Variants in PPIP5K1 observed in about 807,000 individuals in gnomAD.
The protein encoded by PPIP5K1 is diphosphoinositol pentakisphosphate kinase 1, also known as inositol hexakisphosphate and diphosphoinositol-pentakisphosphate kinase 1.
A neutral mutation model predicts 27.7 loss-of-function variants in PPIP5K1; 6 were observed. The observed-to-expected ratio is 0.22, with a 90% CI of 0.12 to 0.43. The LOEUF is 0.43. Ranked by LOEUF, PPIP5K1 falls within the 20% of genes least tolerant of loss-of-function variation. The pLI is 1.00. For synonymous variants in PPIP5K1, 145 were observed against 242.6 expected, an observed-to-expected ratio of 0.60 and a Z score of 3.74; for missense variants, 394 against 635.4, an observed-to-expected ratio of 0.62 and a Z score of 4.08.
At chr15:43,557,999 T>G (rs989033163) in intron 30 of PPIP5K1, among the ~76,000 whole-genome samples, 4 of 151,850 alleles carry the variant, frequency 2.6e-5, no homozygotes, top group Non-Finnish European at 5.9e-5. Flanking sequence ...TTGTGTATTT[T>G]TCAATGAAAA....
intron 30 of PPIP5K1, among the ~76,000 whole-genome samples, chr15:43,545,283 C>T (rs1477326056): frequency 2.6e-5 from 4 of 152,006 alleles, no homozygotes; most frequent in African/African-American, 9.7e-5. Context: ...TGTACCCCCA[C>T]CAACAATGTA....
chr15:43,545,010 C>T (rs554730546), intron 30 of PPIP5K1, among the ~76,000 whole-genome samples: 2 of 151,972 alleles, frequency 1.3e-5, no homozygotes, highest in South Asian at 4.2e-4. Flanking sequence ...AACCCCGTCC[C>T]TACTAAAAAT....
chr15:43,567,394 A>AC (rs2084227149), intron 26 of PPIP5K1, among the ~76,000 whole-genome samples: 1 of 3,288 alleles, frequency 3.0e-4, no homozygotes, highest in Non-Finnish European at 5.4e-4. Context: ...CTGGGATTAT[A>AC]GGCATGAGCC....
intron 30 of PPIP5K1, among the ~76,000 whole-genome samples, chr15:43,548,083 C>T (rs2081596379): frequency 1.3e-5 from 2 of 151,960 alleles, no homozygotes; most frequent in African/African-American, 4.8e-5. Flanking sequence ...GGGCTACAGG[C>T]ATGCATCACC....
At chr15:43,545,736 C>T (rs2081294051) in intron 30 of PPIP5K1, among the ~76,000 whole-genome samples, 2 of 152,110 alleles carry the variant, frequency 1.3e-5, no homozygotes, top group South Asian at 4.1e-4. Flanking sequence ...TTACCACTAA[C>T]ACCCTGCTTA....
rs377302379 is a variant in PPIP5K1 at position 43,558,553 on chromosome 15, C to T, written c.3556+242G>A. 5.9e-5 allele frequency among the ~76,000 whole-genome samples: 9 copies of T among 151,980 alleles called. No individual in the cohort carries two copies. In the East Asian group the frequency reaches 1.6e-3, roughly 26 times the overall value. On this transcript the variant is annotated intron_variant, in intron 30 of 31. Transcript: ENST00000420765. ...ATTTTTTTTCAGTAGAGACAGGTAT[C>T]GCCATCTTGGCCAGGCTTGTCTCAA...
intron 30 of PPIP5K1, among the ~76,000 whole-genome samples, chr15:43,557,855 A>C (rs1236621345): frequency 9.4e-6 from 1 of 106,464 alleles, no homozygotes; most frequent in Non-Finnish European, 1.9e-5. Flanking sequence ...TTTTCTGGAG[A>C]GATGGGGGTC....
chr15:43,534,446 G>T lies in PPIP5K1; in HGVS notation c.*228C>A, dbSNP rs953605959. The T allele has an allele frequency of 2.4e-6, 1 of 419,846 alleles. No individual in the cohort carries two copies. Among genetic ancestry groups the T allele is most frequent in the African/African-American group, 2.0e-5 (1 of 49,272 alleles). The allele number at this position is 419,846 out of a possible 1,614,324, so 26.0% of individuals were successfully genotyped here. The stretch of plus-strand genomic sequence containing the variant: ...AACTACTTCCCCAGACACCGCTGGT[G>T]AGAGCTGGCCAGTGAGTTAGCCAAC... On this transcript the variant is annotated 3_prime_UTR_variant, in exon 32 of 32. Transcript: ENST00000420765.
intron 31 of PPIP5K1, among the ~76,000 whole-genome samples, chr15:43,535,805 A>G (rs1459508406): frequency 6.6e-6 from 1 of 152,246 alleles, no homozygotes; most frequent in Non-Finnish European, 1.5e-5. Context: ...CTTTGGAAGC[A>G]TATGAATACT....
intron 30 of PPIP5K1, among the ~76,000 whole-genome samples, chr15:43,558,250 A>G (rs2083276718): frequency 7.0e-6 from 1 of 143,108 alleles, no homozygotes. Flanking sequence ...TTTTTTTGAG[A>G]TGGAGTCTCA....
chr15:43,539,396 C>T, intron 31 of PPIP5K1, 74 bp downstream of exon 31: 1 of 1,121,458 alleles, frequency 8.9e-7, no homozygotes, highest in Non-Finnish European at 1.3e-6. Context: ...TGACCTCATG[C>T]AACAGGCCCC....
chr15:43,553,288 T>C (rs2082466667), intron 30 of PPIP5K1, among the ~76,000 whole-genome samples: 1 of 152,220 alleles, frequency 6.6e-6, no homozygotes, highest in African/African-American at 2.4e-5. Flanking sequence ...TACATATGTC[T>C]GTTAGGTCGA....
At chr15:43,550,829 T>C (rs770652431) in intron 30 of PPIP5K1, among the ~76,000 whole-genome samples, 6 of 152,252 alleles carry the variant, frequency 3.9e-5, no homozygotes, top group Non-Finnish European at 7.3e-5. Flanking sequence ...TGTTGGATTT[T>C]GTCAAATGTT....
At chr15:43,536,070 A>G in intron 31 of PPIP5K1, 1 of 1,276,338 alleles carries the variant, frequency 7.8e-7, no homozygotes, top group Non-Finnish European at 1.0e-6. Flanking sequence ...AGCCCAAATG[A>G]TAAGTTGGCA....
chr15:43,553,178 T>C (rs2082452013), intron 30 of PPIP5K1, among the ~76,000 whole-genome samples: 1 of 152,270 alleles, frequency 6.6e-6, no homozygotes, highest in Non-Finnish European at 1.5e-5. Context: ...TTAAAATTTA[T>C]AGATACTTGT....
chr15:43,536,008 C>T, intron 31 of PPIP5K1: 1 of 1,048,370 alleles, frequency 9.5e-7, no homozygotes, highest in Non-Finnish European at 1.3e-6. Flanking sequence ...TGTTAAGAAT[C>T]ATTCTTTAAA....
chr15:43,558,781 A>G lies in PPIP5K1; in HGVS notation c.3556+14T>C. Reference sequence around the variant, plus strand: ...GGGGCAGAGAGAAGGGTAAAAAAATAAGAATATCCCTACCTGCAGATGCCT... The same window carrying G: ...GGGGCAGAGAGAAGGGTAAAAAAATGAGAATATCCCTACCTGCAGATGCCT... On this transcript the variant is annotated intron_variant, in intron 30 of 31. Coordinates refer to ENST00000420765, the MANE Select transcript of PPIP5K1 (RefSeq NM_001394395.1). The G allele has an allele frequency of 6.2e-7, 1 of 1,613,384 alleles. No individual in the cohort carries two copies. Among genetic ancestry groups the G allele is most frequent in the African/African-American group, 1.3e-5 (1 of 75,050 alleles).
At chr15:43,545,950 C>T (rs1263764339) in intron 30 of PPIP5K1, among the ~76,000 whole-genome samples, 1 of 152,006 alleles carries the variant, frequency 6.6e-6, no homozygotes, top group East Asian at 1.9e-4. Flanking sequence ...GGCTGCTCTG[C>T]CTATGGAGCA....
intron 30 of PPIP5K1, among the ~76,000 whole-genome samples, chr15:43,555,715 C>T (rs2082851556): frequency 1.3e-5 from 2 of 152,080 alleles, no homozygotes; most frequent in Non-Finnish European, 2.9e-5. Flanking sequence ...TAGCAATTCT[C>T]CTGCCTCGGC....
Sources: gnomAD v4.1 joint callset for allele counts (sites outside exome capture counted in the v4.1 genomes callset) on GRCh38, gnomAD v4.1.1 for gene constraint, MANE v1.5 for transcripts, NCBI Gene and HGNC (gene_info 2026-07-23, HGNC 2026-07-21) for gene names.